Variants in DUS4L observed in about 807,000 individuals in gnomAD.
The protein encoded by DUS4L is tRNA-dihydrouridine(20a/20b) synthase [NAD(P)+]-like.
In DUS4L, 31 loss-of-function variants were observed where a neutral mutation model predicts 33.8. The ratio of observed to expected loss-of-function variants is 0.92; its 90% CI spans 0.69 to 1.24. The LOEUF (loss-of-function observed/expected upper bound fraction) is 1.24. DUS4L is among the 50% of genes most tolerant of loss of function. The pLI, the probability that DUS4L is intolerant of heterozygous loss-of-function variation, is 0.00. For missense variants in DUS4L, 368 were observed against 388.6 expected, an observed-to-expected ratio of 0.95 and a Z score of 0.45; for synonymous variants, 103 against 120.3, an observed-to-expected ratio of 0.86 and a Z score of 0.94.
intron 3 of DUS4L, 181 bp from the exon 4 acceptor site, chr7:107,570,964 C>A (rs1442028816): frequency 4.0e-6 from 3 of 740,762 alleles, no homozygotes; most frequent in South Asian, 2.0e-5. Context: ...TCAAAATTTT[C>A]TTGTGTTTGT....
intron 3 of DUS4L, 151 bp downstream of exon 3, chr7:107,567,337 T>TA: frequency 1.6e-6 from 1 of 642,492 alleles, no homozygotes; most frequent in Non-Finnish European, 2.7e-6. Flanking sequence ...ATGCTACTAC[T>TA]TGCCTAGTAT....
At chr7:107,568,028 T>G (rs977620164) in intron 3 of DUS4L, among the ~76,000 whole-genome samples, 2 of 152,224 alleles carry the variant, frequency 1.3e-5, no homozygotes, top group African/African-American at 4.8e-5. Context: ...TTTTGTTCAT[T>G]CATCTGTTGA....
chr7:107,565,286 A>C (rs1370269421), intron 2 of DUS4L, among the ~76,000 whole-genome samples: 1 of 152,222 alleles, frequency 6.6e-6, no homozygotes, highest in Non-Finnish European at 1.5e-5. Context: ...TAGGTAAGGT[A>C]GGAACCCATT....
chr7:107,575,469 A>G (rs1035171744), intron 6 of DUS4L, 159 bp downstream of exon 6: 1 of 729,956 alleles, frequency 1.4e-6, no homozygotes, highest in Admixed American at 3.8e-5. Context: ...AAGAATATAT[A>G]CCATAATTTT....
chr7:107,566,187 G>C (rs1472229879), intron 2 of DUS4L, among the ~76,000 whole-genome samples: 5 of 152,122 alleles, frequency 3.3e-5, no homozygotes, highest in Non-Finnish European at 7.3e-5. Flanking sequence ...TCAACTCCTT[G>C]CCTAAAGGTT....
At chr7:107,568,656 CA>C (rs1804924299) in intron 3 of DUS4L, among the ~76,000 whole-genome samples, 1 of 152,152 alleles carries the variant, frequency 6.6e-6, no homozygotes, top group African/African-American at 2.4e-5. Context: ...TTTTGCAGAA[CA>C]AAAGTTTCAT....
chr7:107,574,908 T>C, intron 5 of DUS4L: 1 of 388,782 alleles, frequency 2.6e-6, no homozygotes, highest in South Asian at 2.6e-5. Context: ...GTCATTGCAA[T>C]TACTTCAAAT....
chr7:107,569,848 A>G (rs1206387336), intron 3 of DUS4L, among the ~76,000 whole-genome samples: 1 of 152,198 alleles, frequency 6.6e-6, no homozygotes, highest in Non-Finnish European at 1.5e-5. Flanking sequence ...CATGTCATCT[A>G]CAAATAAGGA....
chr7:107,571,382 T>G (rs1415400631), intron 4 of DUS4L, 116 bp downstream of exon 4: 1 of 1,393,760 alleles, frequency 7.2e-7, no homozygotes, highest in Non-Finnish European at 9.5e-7. Context: ...CTTTAGTTCT[T>G]TAGTGTTTTT....
intron 5 of DUS4L, chr7:107,574,774 G>T (rs910026838): frequency 4.0e-5 from 11 of 271,640 alleles, no homozygotes; most frequent in Non-Finnish European, 5.6e-5. Flanking sequence ...TCATTAGGAG[G>T]GTTAAATTAG....
At chr7:107,572,191 ATCC>A (rs1805309814) in intron 4 of DUS4L, among the ~76,000 whole-genome samples, 1 of 152,184 alleles carries the variant, frequency 6.6e-6, no homozygotes, top group Non-Finnish European at 1.5e-5. Context: ...CTTGATTTGT[ATCC>A]TCAGCATCTA....
At chr7:107,574,995 T>G (rs916901343) in intron 5 of DUS4L, 193 bp from the exon 6 acceptor site, 14 of 693,130 alleles carry the variant, frequency 2.0e-5, no homozygotes, top group South Asian at 7.3e-5. Context: ...TCCTGAGTAC[T>G]TTTTGATCTG....
At position 107,578,322 on chromosome 7, in the gene DUS4L, C is replaced by T. The variant is rs962481605; in HGVS notation, c.*762C>T. ...CAGCCGTTGATTGTAACTTTAAAGT[C>T]CCATGGTTTTGGAGTGTTATTAATA... is the stretch of plus-strand genomic sequence containing the variant. On this transcript the variant is annotated 3_prime_UTR_variant, in exon 8 of 8. Coordinates refer to ENST00000265720, the MANE Select transcript of DUS4L (RefSeq NM_181581.3). The T allele has an allele frequency of 6.6e-6, 1 of 151,834 alleles. No homozygotes were observed. The highest frequency in any genetic ancestry group is 6.6e-5 in the Admixed American group (1 of 15,252). The allele number at this position is 151,834 out of a possible 1,614,324, so 9.4% of individuals were successfully genotyped here.
intron 2 of DUS4L, among the ~76,000 whole-genome samples, chr7:107,564,976 C>T (rs1804479960): frequency 6.6e-6 from 1 of 152,204 alleles, no homozygotes; most frequent in Non-Finnish European, 1.5e-5. Context: ...TAACTCAATG[C>T]ATTTCATACT....
intron 4 of DUS4L, 98 bp downstream of exon 4, chr7:107,571,364 TGAA>T (rs1374957225): frequency 7.5e-6 from 11 of 1,469,562 alleles, no homozygotes; most frequent in Non-Finnish European, 1.0e-5. Flanking sequence ...AGATTTTATG[TGAA>T]GAAGCTTTAG....
At chr7:107,571,084 A>G in intron 3 of DUS4L, 61 bp from the exon 4 acceptor site, 6 of 1,602,812 alleles carry the variant, frequency 3.7e-6, no homozygotes, top group Non-Finnish European at 5.1e-6. Context: ...ATATTTAACA[A>G]TGCACTAAAA....
chr7:107,578,322 C>A lies in DUS4L; in HGVS notation c.*762C>A, dbSNP rs962481605. 2 of 151,834 alleles carry A rather than the reference C, an allele frequency of 1.3e-5. No homozygotes were observed. Among genetic ancestry groups the A allele is most frequent in the African/African-American group, 4.8e-5 (2 of 41,296 alleles). 9.4% of individuals were successfully genotyped at this position (151,834 alleles called of 1,614,324 possible). ...CAGCCGTTGATTGTAACTTTAAAGT[C>A]CCATGGTTTTGGAGTGTTATTAATA... On this transcript the variant is annotated 3_prime_UTR_variant, in exon 8 of 8. Transcript: ENST00000265720.
At chr7:107,570,883 G>T in intron 3 of DUS4L, 1 of 340,944 alleles carries the variant, frequency 2.9e-6, no homozygotes. Context: ...ATAAAACCCA[G>T]AGAACTCACC....
At chr7:107,575,461 G>C (rs1005648887) in intron 6 of DUS4L, 151 bp downstream of exon 6, 2 of 792,242 alleles carry the variant, frequency 2.5e-6, no homozygotes, top group African/African-American at 1.8e-5. Context: ...TTTAGTAAAA[G>C]AATATATACC....
Sources: allele counts gnomAD v4.1 joint callset (sites outside exome capture counted in the v4.1 genomes callset), GRCh38; gene constraint gnomAD v4.1.1; transcripts MANE v1.5; gene names NCBI Gene and HGNC (gene_info 2026-07-23, HGNC 2026-07-21).